GTF2H1: variants seen among roughly 807,000 people sequenced by gnomAD.
GTF2H1 encodes the protein general transcription factor IIH subunit 1.
A neutral mutation model predicts 71.2 loss-of-function variants in GTF2H1; 16 were observed. The observed-to-expected ratio is 0.22, with a 90% confidence interval of 0.15 to 0.34. GTF2H1 has a LOEUF of 0.34. Among genes scored for constraint, GTF2H1 ranks in the 10% least tolerant of loss-of-function variants. GTF2H1 has a pLI of 1.00. For synonymous variants in GTF2H1, 215 were observed against 219.0 expected, an observed-to-expected ratio of 0.98 and a Z score of 0.16; for missense variants, 498 against 648.2, an observed-to-expected ratio of 0.77 and a Z score of 2.52.
At chr11:18,357,047 A>G (rs951229292) in intron 11 of GTF2H1, among the ~76,000 whole-genome samples, 3 of 152,110 alleles carry the variant, frequency 2.0e-5, no homozygotes, top group South Asian at 2.1e-4. Flanking sequence ...GTGAGCTCCA[A>G]TGTCCCCTTC....
intron 7 of GTF2H1, among the ~76,000 whole-genome samples, chr11:18,342,322 C>A (rs1422893278): frequency 1.6e-5 from 2 of 125,598 alleles, no homozygotes; most frequent in African/African-American, 5.9e-5. Flanking sequence ...AGTGCAGTGG[C>A]GCAATCTTGG....
At chr11:18,332,471 T>C (rs1010928507) in intron 1 of GTF2H1, among the ~76,000 whole-genome samples, 1 of 152,172 alleles carries the variant, frequency 6.6e-6, no homozygotes, top group African/African-American at 2.4e-5. Context: ...ATTATACCAA[T>C]GAATCATGGC....
At chr11:18,326,153 G>A (rs1021044587) in intron 1 of GTF2H1, 5 of 152,146 alleles carry the variant, frequency 3.3e-5, no homozygotes, top group Non-Finnish European at 7.4e-5. Flanking sequence ...CCCAATGTTC[G>A]GTAATTTATC....
At chr11:18,357,328 T>G (rs1160406107) in intron 11 of GTF2H1, among the ~76,000 whole-genome samples, 1 of 152,218 alleles carries the variant, frequency 6.6e-6, no homozygotes, top group African/African-American at 2.4e-5. Context: ...TTTCCCCCTT[T>G]TGGCTATATT....
rs1196681798 is a variant in GTF2H1, at chr11:18,353,848, C to CA, written c.1260+1408dup. ...CCCTAAATATTTCGATGTATATTTTCAAAAAACTAAGACATTCTCTTAAAT... is the reference window on the plus strand; with the variant it reads ...CCCTAAATATTTCGATGTATATTTTCAAAAAAACTAAGACATTCTCTTAAAT... On this transcript the variant is annotated intron_variant, in intron 11 of 14. Coordinates refer to ENST00000265963, the MANE Select transcript of GTF2H1 (RefSeq NM_005316.4). Among the ~76,000 whole-genome samples the CA allele has an allele frequency of 1.1e-4, 17 of 152,192 alleles. No homozygotes were observed. In the South Asian group the frequency reaches 2.7e-3, roughly 24 times the overall value.
At chr11:18,331,470 C>T (rs958305314) in intron 1 of GTF2H1, among the ~76,000 whole-genome samples, 29 of 152,144 alleles carry the variant, frequency 1.9e-4, no homozygotes, top group African/African-American at 6.0e-4. Flanking sequence ...AGTTCGAGAC[C>T]AGCCTGACCA....
intron 4 of GTF2H1, 118 bp downstream of exon 4, chr11:18,338,392 T>G (rs910094408): frequency 4.6e-6 from 3 of 654,970 alleles, no homozygotes; most frequent in East Asian, 2.6e-5. Flanking sequence ...AATGGAAAAT[T>G]GAGTATCCAT....
chr11:18,344,897 T>A (rs1186384867), intron 7 of GTF2H1, among the ~76,000 whole-genome samples: 1 of 152,134 alleles, frequency 6.6e-6, no homozygotes, highest in Non-Finnish European at 1.5e-5. Context: ...CTGCCTATCT[T>A]TAGATACCTG....
intron 7 of GTF2H1, among the ~76,000 whole-genome samples, chr11:18,343,409 A>G (rs561189231): frequency 1.4e-4 from 21 of 152,324 alleles, no homozygotes; most frequent in African/African-American, 4.8e-4. Context: ...CAACATTTAT[A>G]TAACCAATCT....
intron 1 of GTF2H1, chr11:18,332,806 A>G: frequency 3.9e-6 from 1 of 258,634 alleles, no homozygotes; most frequent in Non-Finnish European, 7.3e-6. Flanking sequence ...AGGAAAATAA[A>G]TTAATAATAC....
chr11:18,360,382 A>G (rs1865668288), intron 13 of GTF2H1, among the ~76,000 whole-genome samples: 1 of 152,206 alleles, frequency 6.6e-6, no homozygotes, highest in Non-Finnish European at 1.5e-5. Flanking sequence ...CGGCCTCCCA[A>G]AGTGCTGGGA....
intron 13 of GTF2H1, among the ~76,000 whole-genome samples, chr11:18,359,294 CTT>C (rs747185171): frequency 6.6e-6 from 1 of 152,138 alleles, no homozygotes; most frequent in East Asian, 1.9e-4. Context: ...AATCCCAACA[CTT>C]TGGCGGGGCT....
intron 13 of GTF2H1, 137 bp from the exon 14 acceptor site, chr11:18,360,478 T>G: frequency 1.9e-6 from 1 of 525,572 alleles, no homozygotes; most frequent in Non-Finnish European, 3.3e-6. Context: ...TGTGATATAA[T>G]TGGTATATTT....
chr11:18,338,677 G>T (rs1354846345), intron 4 of GTF2H1, among the ~76,000 whole-genome samples: 1 of 152,056 alleles, frequency 6.6e-6, no homozygotes, highest in Non-Finnish European at 1.5e-5. Context: ...TCAAATCCCT[G>T]GCCTCAAGAG....
intron 13 of GTF2H1, among the ~76,000 whole-genome samples, chr11:18,360,178 A>G (rs1412037848): frequency 6.6e-6 from 1 of 152,054 alleles, no homozygotes; most frequent in Non-Finnish European, 1.5e-5. Flanking sequence ...GCTGGAGTGC[A>G]GTGGTGTGAT....
chr11:18,342,859 T>A (rs940978663), intron 7 of GTF2H1, among the ~76,000 whole-genome samples: 2 of 152,208 alleles, frequency 1.3e-5, no homozygotes, highest in African/African-American at 2.4e-5. Context: ...AAAACCAAAC[T>A]AGCTGACTTA....
At chr11:18,340,176 C>A (rs1226939384) in intron 5 of GTF2H1, among the ~76,000 whole-genome samples, 1 of 152,154 alleles carries the variant, frequency 6.6e-6, no homozygotes, top group East Asian at 1.9e-4. Flanking sequence ...AAATCCTGGC[C>A]AGTCCCAGTG....
At chr11:18,359,659 T>C (rs1210114456) in intron 13 of GTF2H1, among the ~76,000 whole-genome samples, 3 of 151,818 alleles carry the variant, frequency 2.0e-5, no homozygotes, top group Non-Finnish European at 4.4e-5. Context: ...CAGAAGGGGG[T>C]TGGTTAGAGA....
At chr11:18,347,433 ATGTCACTTGTTTTT>A in intron 7 of GTF2H1, 141 bp from the exon 8 acceptor site, 1 of 563,014 alleles carries the variant, frequency 1.8e-6, no homozygotes. Context: ...TATGTGCATA[ATGTCACTTGTTTTT>A]AAATGTTTGT....
Sources: allele counts gnomAD v4.1 joint callset (sites outside exome capture counted in the v4.1 genomes callset), GRCh38; gene constraint gnomAD v4.1.1; transcripts MANE v1.5; gene names NCBI Gene and HGNC (gene_info 2026-07-23, HGNC 2026-07-21).